Variants in PTPRN2 observed in about 807,000 individuals in gnomAD.
The protein encoded by PTPRN2 is receptor-type tyrosine-protein phosphatase N2.
Under a neutral mutation model 118.8 loss-of-function variants are expected in PTPRN2, and 74 were observed. The ratio of observed to expected loss-of-function variants is 0.62; its 90% CI spans 0.52 to 0.76. The LOEUF (loss-of-function observed/expected upper bound fraction) is 0.76, where lower values mean the gene tolerates loss of function less well. PTPRN2 is among the 30% of genes least tolerant of loss of function. PTPRN2 has a pLI of 0.00. For missense variants in PTPRN2, 1,481 were observed against 1,394.4 expected, an observed-to-expected ratio of 1.06 and a Z score of -0.99; for synonymous variants, 641 against 608.0, an observed-to-expected ratio of 1.05 and a Z score of -0.80.
Position 158,570,053 on chromosome 7 carries a change from C to T in PTPRN2, c.112+17505G>A, listed in dbSNP as rs970714849. Among the ~76,000 whole-genome samples the T allele has an allele frequency of 1.3e-5, 2 of 152,178 alleles. No individual in the cohort carries two copies. Among genetic ancestry groups the T allele is most frequent in the Non-Finnish European group, 2.9e-5 (2 of 68,026 alleles). Reference sequence around the variant, plus strand: ...TTCCTCCCTCGCGTTCCCTCAGGCGCGTCCTCCACCCGTTTCCCCCAGGCA... The same window carrying T: ...TTCCTCCCTCGCGTTCCCTCAGGCGTGTCCTCCACCCGTTTCCCCCAGGCA... On this transcript the variant is annotated intron_variant, in intron 1 of 22. Transcript: ENST00000389418. The surrounding 1 kb of genome is among the most constrained non-coding windows in gnomAD (Gnocchi z 4.5).
At chr7:158,367,892 T>C (rs1223549935) in intron 2 of PTPRN2, among the ~76,000 whole-genome samples, 3 of 152,164 alleles carry the variant, frequency 2.0e-5, no homozygotes, top group Non-Finnish European at 2.9e-5. Context: ...ATTTCAACCA[T>C]GGCAGCAGCA....
At chr7:158,510,467 T>A (rs1464108525) in intron 1 of PTPRN2, among the ~76,000 whole-genome samples, 2 of 151,586 alleles carry the variant, frequency 1.3e-5, no homozygotes, top group African/African-American at 4.9e-5. Context: ...TCTCTCTCTC[T>A]CTCTCTCTCT....
intron 2 of PTPRN2, among the ~76,000 whole-genome samples, chr7:158,428,426 GC>G (rs1410365496): frequency 6.6e-6 from 1 of 152,158 alleles, no homozygotes; most frequent in Non-Finnish European, 1.5e-5. Flanking sequence ...CACAGAAACT[GC>G]AAAGGAGAAA....
intron 2 of PTPRN2, among the ~76,000 whole-genome samples, chr7:158,342,641 A>T (rs1472372729): frequency 6.6e-6 from 1 of 152,250 alleles, no homozygotes; most frequent in Non-Finnish European, 1.5e-5. Flanking sequence ...TCACACAGTC[A>T]ACTCAGTCAG....
At chr7:158,209,501 A>G (rs76313322) in intron 3 of PTPRN2, among the ~76,000 whole-genome samples, 1 of 152,242 alleles carries the variant, frequency 6.6e-6, no homozygotes, top group African/African-American at 2.4e-5. Flanking sequence ...GGACATAACA[A>G]TTGTAAATAT....
rs1826152487 is a variant in PTPRN2 at position 158,544,201 on chromosome 7, C to A, written c.112+43357G>T. ...TCTCCCCAAAACAGACTATCATTAC[C>A]CGGTGTGACTGGGCCAATGAACCCA... On this transcript the variant is annotated intron_variant, in intron 1 of 22. Coordinates refer to ENST00000389418, the MANE Select transcript of PTPRN2 (RefSeq NM_002847.5). The surrounding 1 kb of genome is among the most constrained non-coding windows in gnomAD (Gnocchi z 4.2). 6.6e-6 allele frequency among the ~76,000 whole-genome samples: 1 copy of A among 152,126 alleles called. No homozygotes were observed. The highest frequency in any genetic ancestry group is 1.5e-5 in the Non-Finnish European group (1 of 68,022).
intron 12 of PTPRN2, among the ~76,000 whole-genome samples, chr7:157,815,482 C>T (rs1355857729): frequency 6.6e-6 from 1 of 152,204 alleles, no homozygotes; most frequent in Non-Finnish European, 1.5e-5. Context: ...AGCCGGAGTC[C>T]CAGCCAGTGG....
chr7:158,134,579 C>G (rs1177820419), intron 8 of PTPRN2, among the ~76,000 whole-genome samples: 1 of 152,126 alleles, frequency 6.6e-6, no homozygotes, highest in Non-Finnish European at 1.5e-5. Flanking sequence ...CTCAGTAACC[C>G]CAGTTCACAG....
At chr7:157,631,844 A>G (rs1477279353) in intron 14 of PTPRN2, among the ~76,000 whole-genome samples, 1 of 152,112 alleles carries the variant, frequency 6.6e-6, no homozygotes, top group Non-Finnish European at 1.5e-5. Context: ...AAAAAAAAAA[A>G]AAAAGAGAGA....
intron 2 of PTPRN2, among the ~76,000 whole-genome samples, chr7:158,481,187 A>G (rs1461300229): frequency 6.6e-6 from 1 of 152,254 alleles, no homozygotes; most frequent in Admixed American, 6.5e-5. Context: ...GGCCCTTAAG[A>G]ATCATGCTAA....
Position 157,651,981 on chromosome 7 carries a change from G to A in PTPRN2, c.2196+4376C>T, listed in dbSNP as rs13238236. ...TCCAGACAGTCCAAGGCAGGGGCAC[G>A]GACTGCACCTTCCCTGCGCCTGGGA... On this transcript the variant is annotated intron_variant, in intron 14 of 22. Transcript: ENST00000389418. Among the ~76,000 whole-genome samples the A allele has an allele frequency of 7.2e-3, 1,098 of 152,314 alleles. 9 individuals are homozygous for A. The highest frequency in any genetic ancestry group is 0.013 in the Non-Finnish European group (857 of 68,026).
Position 158,587,815 on chromosome 7 carries a change from G to T in PTPRN2, c.-146C>A. 1 of 759,568 alleles carries T rather than the reference G, an allele frequency of 1.3e-6. No homozygotes were observed. Among genetic ancestry groups the T allele is most frequent in the Non-Finnish European group, 1.6e-6 (1 of 625,666 alleles). 47.1% of individuals were successfully genotyped at this position (759,568 alleles called of 1,614,324 possible). ...TGCGGCGACGCCGGGCCGAGCTTCAGCACCGGACAGCGCCCGGCCCCGCCC... is the reference window on the plus strand; with the variant it reads ...TGCGGCGACGCCGGGCCGAGCTTCATCACCGGACAGCGCCCGGCCCCGCCC... On this transcript the variant is annotated 5_prime_UTR_variant, in exon 1 of 23. It adds an upstream start codon to the 5' untranslated region. Transcript: ENST00000389418.
intron 4 of PTPRN2, among the ~76,000 whole-genome samples, chr7:158,200,305 A>C (rs1414978557): frequency 6.6e-6 from 1 of 152,210 alleles, no homozygotes; most frequent in African/African-American, 2.4e-5. Context: ...AATCCAAGAC[A>C]ACAAGCATTA....
At position 158,169,081 on chromosome 7, in the gene PTPRN2, G is replaced by A. The variant is rs146476415; in HGVS notation, c.550-1790C>T. ...TCATGTCAGTGGAGGTGGACACCTC[G>A]GCACTAGCTAAGGGTGTGCAGCCAT... On this transcript the variant is annotated intron_variant, in intron 5 of 22. Coordinates refer to ENST00000389418, the MANE Select transcript of PTPRN2 (RefSeq NM_002847.5). Among the ~76,000 whole-genome samples, 492 of 152,222 alleles carry A rather than the reference G, an allele frequency of 3.2e-3. 2 individuals are homozygous for A. Among genetic ancestry groups the A allele is most frequent in the Non-Finnish European group, 6.0e-3 (407 of 68,024 alleles).
intron 11 of PTPRN2, among the ~76,000 whole-genome samples, chr7:157,999,676 C>A (rs1476674615): frequency 6.6e-6 from 1 of 152,058 alleles, no homozygotes; most frequent in Admixed American, 6.6e-5. Flanking sequence ...CTGTTCTCCG[C>A]GAGTCCCTGG....
intron 1 of PTPRN2, among the ~76,000 whole-genome samples, chr7:158,547,803 C>T (rs1023614340): frequency 2.6e-5 from 4 of 152,246 alleles, no homozygotes; most frequent in African/African-American, 9.6e-5. Context: ...GGCTGAAACA[C>T]TGCACTCAAG....
chr7:158,085,467 C>T (rs563222552), intron 10 of PTPRN2, among the ~76,000 whole-genome samples: 4 of 84,628 alleles, frequency 4.7e-5, no homozygotes, highest in African/African-American at 1.7e-4. Context: ...CCATACACTC[C>T]GACACCCATC....
chr7:157,677,202 T>C (rs981572619), intron 13 of PTPRN2, among the ~76,000 whole-genome samples: 5 of 152,132 alleles, frequency 3.3e-5, no homozygotes, highest in Admixed American at 6.5e-5. Flanking sequence ...AAGGCAAACA[T>C]AGGAATGGCC....
At chr7:157,710,028 G>C (rs1798523029) in intron 12 of PTPRN2, among the ~76,000 whole-genome samples, 1 of 152,176 alleles carries the variant, frequency 6.6e-6, no homozygotes, top group Non-Finnish European at 1.5e-5. Flanking sequence ...AGGTGGCTCT[G>C]TGGGGGTCGG....
Sources: gnomAD v4.1 joint callset for allele counts (sites outside exome capture counted in the v4.1 genomes callset) on GRCh38, gnomAD v4.1.1 for gene constraint, Gnocchi (gnomAD v3.1) non-coding constraint, MANE v1.5 for transcripts, NCBI Gene and HGNC (gene_info 2026-07-23, HGNC 2026-07-21) for gene names.